The following SOX13 variants were observed in gnomAD, a reference collection of about 807,000 sequenced individuals.
SOX13 encodes transcription factor SOX-13.
A neutral mutation model predicts 71.8 loss-of-function variants in SOX13; 28 were observed. The ratio of observed to expected loss-of-function variants is 0.39; its 90% CI spans 0.29 to 0.53. The LOEUF is 0.53. SOX13 is among the 20% of genes least tolerant of loss of function. SOX13 has a pLI of 0.70. For synonymous variants in SOX13, 309 were observed against 317.8 expected (o/e 0.97, Z 0.29); for missense variants, 627 against 810.3 (o/e 0.77, Z 2.75).
At chr1:204,100,541 A>G (rs1656340260) in intron 1 of SOX13, among the ~76,000 whole-genome samples, 1 of 152,154 alleles carries the variant, frequency 6.6e-6, no homozygotes, top group Non-Finnish European at 1.5e-5. Flanking sequence ...CCCTGCCCTT[A>G]TTGAAAAGGC....
Position 204,090,343 on chromosome 1 carries a change from T to C in SOX13, c.-2+16632T>C, listed in dbSNP as rs547037681. On this transcript the variant is annotated intron_variant, in intron 1 of 13. Transcript: ENST00000367204. The stretch of plus-strand genomic sequence containing the variant: ...GATGGCCACTTAACCCTGAGGCTGG[T>C]TACTTGTTCTCTGTTCTCTGGGTTG... Among the ~76,000 whole-genome samples, 3 of 152,144 alleles carry C rather than the reference T, an allele frequency of 2.0e-5. No individual in the cohort carries two copies. The South Asian group carries it at 6.2e-4, about 32-fold the overall frequency.
intron 1 of SOX13, among the ~76,000 whole-genome samples, chr1:204,099,830 A>G (rs1656325694): frequency 6.6e-6 from 1 of 152,238 alleles, no homozygotes; most frequent in African/African-American, 2.4e-5. Flanking sequence ...TGCTTGGCAC[A>G]TAGTAAATGC....
At chr1:204,108,145 T>A (rs1413599975) in intron 1 of SOX13, among the ~76,000 whole-genome samples, 3 of 152,214 alleles carry the variant, frequency 2.0e-5, no homozygotes, top group African/African-American at 7.2e-5. Context: ...TGCTAGTAGC[T>A]GTATTAAAAA....
In SOX13 at chr1:204,081,585, C is replaced by T. The variant is rs550195792; in HGVS notation, c.-2+7874C>T. Among the ~76,000 whole-genome samples, 9 of 152,248 alleles carry T rather than the reference C, an allele frequency of 5.9e-5. No individual in the cohort carries two copies. Among genetic ancestry groups the T allele is most frequent in the East Asian group, 3.9e-4 (2 of 5,152 alleles). On this transcript the variant is annotated intron_variant, in intron 1 of 13. Coordinates refer to ENST00000367204, the MANE Select transcript of SOX13 (RefSeq NM_005686.3). This position sits in a 1 kb window ranked among gnomAD's most constrained non-coding sequence, Gnocchi z 4.3. Reference sequence around the variant, plus strand: ...ATGGGGCCTCCTGCTTTGGCCCTGGCGCCTAGGAAAGGCTAGACAGGGAGG... The same window carrying T: ...ATGGGGCCTCCTGCTTTGGCCCTGGTGCCTAGGAAAGGCTAGACAGGGAGG...
chr1:204,124,926 TGTCA>T, intron 13 of SOX13, 69 bp downstream of exon 13: 1 of 1,160,520 alleles, frequency 8.6e-7, no homozygotes, highest in Non-Finnish European at 1.3e-6. Flanking sequence ...AGTGGCTGGG[TGTCA>T]GTGTGTGGCC....
chr1:204,116,127 TG>T, intron 4 of SOX13: 1 of 1,202,326 alleles, frequency 8.3e-7, no homozygotes, highest in Non-Finnish European at 1.1e-6. Flanking sequence ...AGACCTGTCT[TG>T]CTTCAAAGCC....
chr1:204,116,272 G>A, intron 4 of SOX13: 1 of 1,485,018 alleles, frequency 6.7e-7, no homozygotes, highest in Non-Finnish European at 9.0e-7. Flanking sequence ...TTTTCAGGGG[G>A]CCTGGAATTC....
At chr1:204,096,239 G>GTTTTCTTTTTTTTTTTTTTTTTTTT (rs1656248662) in intron 1 of SOX13, among the ~76,000 whole-genome samples, 1 of 85,360 alleles carries the variant, frequency 1.2e-5, no homozygotes, top group East Asian at 3.3e-4. Flanking sequence ...TCTTTCTTTC[G>GTTTTCTTTTTTTTTTTTTTTTTTTT]TTTTTTTTTT....
At chr1:204,111,571 G>T (rs1360282359) in intron 1 of SOX13, among the ~76,000 whole-genome samples, 1 of 152,224 alleles carries the variant, frequency 6.6e-6, no homozygotes, top group East Asian at 1.9e-4. Flanking sequence ...AAGAGGGTCT[G>T]CCAGGTATAC....
In SOX13 at chr1:204,080,193, T is replaced by C. The variant is rs150911257; in HGVS notation, c.-2+6482T>C. On this transcript the variant is annotated intron_variant, in intron 1 of 13. Transcript: ENST00000367204. ...GTCTGACACTGGGAAGTCATCAAAT[T>C]TGGAATTCAGTTCCCTCCACTCTCC... Among the ~76,000 whole-genome samples the C allele has an allele frequency of 5.6e-3, 853 of 152,252 alleles. 8 individuals carry two copies. Among genetic ancestry groups the C allele is most frequent in the African/African-American group, 0.018 (746 of 41,546 alleles).
chr1:204,095,165 G>A (rs537879849), intron 1 of SOX13, among the ~76,000 whole-genome samples: 3 of 152,170 alleles, frequency 2.0e-5, no homozygotes, highest in Admixed American at 6.5e-5. Flanking sequence ...GGGCAGAGCT[G>A]TTCTGTAAAC....
At chr1:204,090,412 T>G (rs928890184) in intron 1 of SOX13, among the ~76,000 whole-genome samples, 1 of 149,418 alleles carries the variant, frequency 6.7e-6, no homozygotes, top group African/African-American at 2.5e-5. Context: ...CTTCTTCTTT[T>G]TTTTTTTTTT....
At chr1:204,083,246 G>T (rs1162591370) in intron 1 of SOX13, among the ~76,000 whole-genome samples, 1 of 152,120 alleles carries the variant, frequency 6.6e-6, no homozygotes, top group East Asian at 1.9e-4. Flanking sequence ...TTGAGCCTGA[G>T]TCCTCTTGGG....
chr1:204,098,344 G>C (rs1054185412), intron 1 of SOX13, among the ~76,000 whole-genome samples: 1 of 152,152 alleles, frequency 6.6e-6, no homozygotes, highest in Non-Finnish European at 1.5e-5. Context: ...GGGCGTGGAG[G>C]CGCATGCCTG....
Position 204,123,262 on chromosome 1 carries a change from C to T in SOX13, c.1231+54C>T, listed in dbSNP as rs1656849392. On this transcript the variant is annotated intron_variant, in intron 11 of 13. Transcript: ENST00000367204. This position sits in a 1 kb window ranked among gnomAD's most constrained non-coding sequence, Gnocchi z 5.0. ...CAGGAGGGCCCAACTCTGTATTCCA[C>T]CAGGGCCAGGGCTGTGTCTGCCTCT... 3 of 1,387,796 alleles carry T rather than the reference C, an allele frequency of 2.2e-6. No homozygotes were observed. The highest frequency in any genetic ancestry group is 3.1e-6 in the Non-Finnish European group (3 of 974,824). 86.0% of individuals were successfully genotyped at this position (1,387,796 alleles called of 1,614,324 possible).
intron 1 of SOX13, among the ~76,000 whole-genome samples, chr1:204,091,440 G>A (rs1656141910): frequency 6.6e-6 from 1 of 152,214 alleles, no homozygotes; most frequent in Non-Finnish European, 1.5e-5. Context: ...ATTTGTGAAT[G>A]AATGAGATAC....
chr1:204,091,862 G>A (rs549040487), intron 1 of SOX13, among the ~76,000 whole-genome samples: 13 of 152,268 alleles, frequency 8.5e-5, no homozygotes, highest in South Asian at 6.2e-4. Flanking sequence ...GATCATAGGC[G>A]TGAGCCACTG....
intron 4 of SOX13, among the ~76,000 whole-genome samples, chr1:204,115,288 A>T (rs1476969530): frequency 2.6e-5 from 4 of 151,744 alleles, no homozygotes; most frequent in Admixed American, 6.6e-5. Flanking sequence ...GATTGCAGGC[A>T]TGAGCCACCC....
At chr1:204,104,600 C>A (rs1656425747) in intron 1 of SOX13, among the ~76,000 whole-genome samples, 1 of 152,226 alleles carries the variant, frequency 6.6e-6, no homozygotes, top group South Asian at 2.1e-4. Flanking sequence ...CCCTGCCCCA[C>A]CCCTGCTGCA....
Sources: gnomAD v4.1 joint callset for allele counts (sites outside exome capture counted in the v4.1 genomes callset) on GRCh38, gnomAD v4.1.1 for gene constraint, Gnocchi (gnomAD v3.1) non-coding constraint, MANE v1.5 for transcripts, NCBI Gene and HGNC (gene_info 2026-07-23, HGNC 2026-07-21) for gene names.